The following TMCC1 variants were observed in gnomAD, a reference collection of about 807,000 sequenced individuals.
TMCC1 encodes transmembrane and coiled-coil domain family 1.
In TMCC1, 15 loss-of-function variants were observed where a neutral mutation model predicts 52.4. The observed-to-expected ratio is 0.29, with a 90% CI of 0.19 to 0.44. The LOEUF (loss-of-function observed/expected upper bound fraction) is 0.44. Among genes scored for constraint, TMCC1 ranks in the 20% least tolerant of loss-of-function variants. The pLI, the probability that TMCC1 is intolerant of heterozygous loss-of-function variation, is 1.00. For synonymous variants in TMCC1, 279 were observed against 301.9 expected (o/e 0.92, Z 0.79); for missense variants, 503 against 806.0 (o/e 0.62, Z 4.55).
chr3:129,667,606 G>A (rs186684201), intron 5 of TMCC1, among the ~76,000 whole-genome samples: 1 of 152,028 alleles, frequency 6.6e-6, no homozygotes, highest in Non-Finnish European at 1.5e-5. Context: ...CATAAAACTA[G>A]TCATTTACCT....
intron 1 of TMCC1, among the ~76,000 whole-genome samples, chr3:129,882,666 T>C (rs972180987): frequency 3.3e-5 from 5 of 152,216 alleles, no homozygotes; most frequent in African/African-American, 1.2e-4. Context: ...TGGTATATCA[T>C]ATACAATGGA....
intron 4 of TMCC1, among the ~76,000 whole-genome samples, chr3:129,792,191 T>C (rs946359101): frequency 5.6e-5 from 8 of 143,720 alleles, no homozygotes; most frequent in Non-Finnish European, 1.1e-4. Flanking sequence ...TATATATACA[T>C]ATATATATAT....
chr3:129,809,044 C>T (rs2057647176), intron 4 of TMCC1, among the ~76,000 whole-genome samples: 1 of 151,092 alleles, frequency 6.6e-6, no homozygotes, highest in South Asian at 2.1e-4. Context: ...CCTGACCTGG[C>T]TAACCATCCT....
intron 4 of TMCC1, among the ~76,000 whole-genome samples, chr3:129,766,865 C>A (rs1285553796): frequency 6.6e-6 from 1 of 151,944 alleles, no homozygotes; most frequent in Non-Finnish European, 1.5e-5. Context: ...GTGATCTGCC[C>A]GCCTTAGCCT....
chr3:129,781,566 C>T lies in TMCC1; in HGVS notation c.576+46237G>A, dbSNP rs115269850. On this transcript the variant is annotated intron_variant, in intron 4 of 6. Coordinates refer to ENST00000393238, the MANE Select transcript of TMCC1 (RefSeq NM_001017395.5). ...CTTCTTTCATGCTTTGTCTTCCCAACTAGAATTTAAGCTACTTAAGGAAGC... is the reference window on the plus strand; with the variant it reads ...CTTCTTTCATGCTTTGTCTTCCCAATTAGAATTTAAGCTACTTAAGGAAGC... Among the ~76,000 whole-genome samples, 694 of 152,178 alleles carry T rather than the reference C, an allele frequency of 4.6e-3. 8 individuals carry two copies. The highest frequency in any genetic ancestry group is 0.016 in the African/African-American group (660 of 41,554).
intron 4 of TMCC1, chr3:129,819,065 G>A (rs1447814386): frequency 1.3e-5 from 2 of 152,514 alleles, no homozygotes; most frequent in Non-Finnish European, 2.9e-5. Flanking sequence ...AATGTGAAAG[G>A]TTCTCATTCT....
At chr3:129,741,210 G>A (rs2051428074) in intron 4 of TMCC1, among the ~76,000 whole-genome samples, 1 of 152,018 alleles carries the variant, frequency 6.6e-6, no homozygotes, top group Non-Finnish European at 1.5e-5. Flanking sequence ...ACTGAAAACT[G>A]GTTTCTTCAT....
intron 4 of TMCC1, among the ~76,000 whole-genome samples, chr3:129,705,441 C>G (rs902346984): frequency 2.0e-5 from 3 of 152,104 alleles, no homozygotes; most frequent in African/African-American, 4.8e-5. Flanking sequence ...TCCTGGAGAT[C>G]TGAAGTGCTG....
At chr3:129,677,429 G>A (rs769586867) in intron 4 of TMCC1, among the ~76,000 whole-genome samples, 10 of 152,186 alleles carry the variant, frequency 6.6e-5, no homozygotes, top group Non-Finnish European at 1.5e-4. Context: ...CAAAAAAGGT[G>A]CTTTTATTAC....
At chr3:129,887,060 G>C (rs1417450767) in intron 1 of TMCC1, among the ~76,000 whole-genome samples, 2 of 152,192 alleles carry the variant, frequency 1.3e-5, no homozygotes, top group Non-Finnish European at 2.9e-5. Context: ...AGGGAACAAA[G>C]AGAGGGACTG....
Position 129,888,074 on chromosome 3 carries a change from C to T in TMCC1, c.-435+5420G>A, listed in dbSNP as rs541651879. On this transcript the variant is annotated intron_variant, in intron 1 of 6. Transcript: ENST00000393238. ...GGCAAAAAGAACTATCTGTAAGTCT[C>T]TAGTTGATAAACTAGTTTCCCACAG... Among the ~76,000 whole-genome samples the T allele has an allele frequency of 5.9e-5, 9 of 152,306 alleles. No homozygotes were observed. In the East Asian group the frequency reaches 1.7e-3, roughly 29 times the overall value.
At chr3:129,693,874 T>G (rs2047202510) in intron 4 of TMCC1, among the ~76,000 whole-genome samples, 1 of 152,212 alleles carries the variant, frequency 6.6e-6, no homozygotes, top group Non-Finnish European at 1.5e-5. Flanking sequence ...AATACCAATC[T>G]CATCTCCTTT....
intron 4 of TMCC1, among the ~76,000 whole-genome samples, chr3:129,769,841 G>A (rs1387891649): frequency 2.0e-5 from 3 of 152,134 alleles, no homozygotes; most frequent in African/African-American, 7.2e-5. Flanking sequence ...TTTAAAGAGC[G>A]AAACGGCAAA....
chr3:129,822,280 G>C (rs1323134233), intron 4 of TMCC1, among the ~76,000 whole-genome samples: 3 of 152,044 alleles, frequency 2.0e-5, no homozygotes, highest in African/African-American at 7.3e-5. Context: ...TTGTTTAAAA[G>C]TAATAACATA....
intron 4 of TMCC1, among the ~76,000 whole-genome samples, chr3:129,773,941 T>C (rs2054817080): frequency 1.3e-5 from 2 of 152,088 alleles, no homozygotes; most frequent in African/African-American, 4.8e-5. Context: ...ACACTATCTC[T>C]AAAAAAACTA....
Position 129,828,777 on chromosome 3 carries a change from A to G in TMCC1, c.-130-269T>C, listed in dbSNP as rs1222455655. ...AAAGCAAAAATCCCTACAAGATTCA[A>G]TATATACAGAATTAGATATTAGAGG... On this transcript the variant is annotated intron_variant, in intron 3 of 6. Coordinates refer to ENST00000393238, the MANE Select transcript of TMCC1 (RefSeq NM_001017395.5). The surrounding 1 kb of genome is among the most constrained non-coding windows in gnomAD (Gnocchi z 4.1). 6.6e-6 allele frequency among the ~76,000 whole-genome samples: 1 copy of G among 152,228 alleles called. No individual in the cohort carries two copies. Among genetic ancestry groups the G allele is most frequent in the East Asian group, 1.9e-4 (1 of 5,202 alleles).
At chr3:129,854,259 G>A (rs769516067) in intron 2 of TMCC1, among the ~76,000 whole-genome samples, 1 of 151,886 alleles carries the variant, frequency 6.6e-6, no homozygotes, top group African/African-American at 2.4e-5. Flanking sequence ...TGGTGTCGTG[G>A]CACACAACTG....
chr3:129,833,587 A>G lies in TMCC1; in HGVS notation c.-183-761T>C, dbSNP rs187241705. The stretch of plus-strand genomic sequence containing the variant: ...CCTGTCTCAATTTTAAAACAACAAC[A>G]ACAAGAAGAACAAAACATATCTTGG... On this transcript the variant is annotated intron_variant, in intron 2 of 6. Transcript: ENST00000393238. 3.6e-3 allele frequency among the ~76,000 whole-genome samples: 543 copies of G among 152,056 alleles called. 10 individuals carry two copies. Among genetic ancestry groups the G allele is most frequent in the Non-Finnish European group, 3.9e-3 (267 of 67,978 alleles).
chr3:129,771,578 C>T (rs1382653747), intron 4 of TMCC1, among the ~76,000 whole-genome samples: 1 of 151,514 alleles, frequency 6.6e-6, no homozygotes, highest in East Asian at 1.9e-4. Context: ...AGTTTGAGAC[C>T]AGCCTGGACA....
Sources: allele counts gnomAD v4.1 joint callset (sites outside exome capture counted in the v4.1 genomes callset), GRCh38; gene constraint gnomAD v4.1.1; non-coding constraint Gnocchi (gnomAD v3.1); transcripts MANE v1.5; gene names NCBI Gene and HGNC (gene_info 2026-07-23, HGNC 2026-07-21).